Variants in MCF2L2 observed in about 807,000 individuals in gnomAD.
The protein encoded by MCF2L2 is probable guanine nucleotide exchange factor MCF2L2.
In MCF2L2, 102 loss-of-function variants were observed where a neutral mutation model predicts 150.2. The observed-to-expected ratio is 0.68, with a 90% CI of 0.58 to 0.80. MCF2L2 has a LOEUF of 0.80. Among genes scored for constraint, MCF2L2 ranks in the 30% least tolerant of loss-of-function variants. The pLI is 0.00. For synonymous variants in MCF2L2, 465 were observed against 491.3 expected (o/e 0.95, Z 0.71); for missense variants, 1,256 against 1,372.8 (o/e 0.91, Z 1.34).
intron 15 of MCF2L2, among the ~76,000 whole-genome samples, chr3:183,258,661 C>T (rs1022931007): frequency 6.6e-6 from 1 of 152,200 alleles, no homozygotes; most frequent in Non-Finnish European, 1.5e-5. Flanking sequence ...CCCTGATATC[C>T]ATGCATGCTC....
At chr3:183,390,952 G>T (rs1416957742) in intron 1 of MCF2L2, among the ~76,000 whole-genome samples, 1 of 152,194 alleles carries the variant, frequency 6.6e-6, no homozygotes, top group African/African-American at 2.4e-5. Context: ...ACTGGTTATT[G>T]TTTCTACAGG....
chr3:183,326,330 A>T (rs1385616709), intron 5 of MCF2L2, among the ~76,000 whole-genome samples: 1 of 151,892 alleles, frequency 6.6e-6, no homozygotes, highest in Non-Finnish European at 1.5e-5. Context: ...CATCTCTACT[A>T]AAAATACAAA....
chr3:183,251,584 A>C (rs1352498414), intron 15 of MCF2L2, among the ~76,000 whole-genome samples: 2 of 152,188 alleles, frequency 1.3e-5, no homozygotes, highest in African/African-American at 4.8e-5. Flanking sequence ...TGGATAAGGA[A>C]AGCATGCCAA....
chr3:183,185,787 T>C (rs2108629999), intron 27 of MCF2L2, among the ~76,000 whole-genome samples: 1 of 152,326 alleles, frequency 6.6e-6, no homozygotes, highest in East Asian at 1.9e-4. Flanking sequence ...TAGGCTGGTC[T>C]ATAGCTGAAA....
chr3:183,297,646 T>TCCTTCCTTCCTCCCTC (rs1294919945), intron 11 of MCF2L2: 1 of 104,268 alleles, frequency 9.6e-6, no homozygotes, highest in East Asian at 3.0e-4. Context: ...CTTCCTCCCT[T>TCCTTCCTTCCTCCCTC]CCTTCCTTCC....
At chr3:183,331,555 C>T (rs1730273569) in intron 5 of MCF2L2, among the ~76,000 whole-genome samples, 4 of 152,220 alleles carry the variant, frequency 2.6e-5, no homozygotes. Context: ...CTTTTAACTG[C>T]ACAAGAAGCA....
At chr3:183,188,546 C>T (rs546764903) in intron 27 of MCF2L2, among the ~76,000 whole-genome samples, 1 of 152,174 alleles carries the variant, frequency 6.6e-6, no homozygotes, top group African/African-American at 2.4e-5. Flanking sequence ...ACTGCTGCCC[C>T]GCCTCACTCT....
intron 15 of MCF2L2, among the ~76,000 whole-genome samples, chr3:183,248,698 C>T (rs767280620): frequency 3.3e-5 from 5 of 151,868 alleles, no homozygotes; most frequent in Admixed American, 6.6e-5. Context: ...ATTATTTGGG[C>T]GTGATGGGGT....
intron 21 of MCF2L2, among the ~76,000 whole-genome samples, chr3:183,216,595 T>A (rs1722950800): frequency 5.3e-4 from 10 of 18,998 alleles, no homozygotes; most frequent in African/African-American, 1.5e-3. Context: ...TTTTTTTTTT[T>A]TTTTTTTTTT....
intron 27 of MCF2L2, chr3:183,180,384 A>G (rs1197303275): frequency 3.9e-6 from 2 of 507,050 alleles, no homozygotes; most frequent in Non-Finnish European, 7.0e-6. Context: ...GCGCGTCCAC[A>G]TGCTGTTCAT....
intron 6 of MCF2L2, among the ~76,000 whole-genome samples, chr3:183,322,044 T>A (rs1308897130): frequency 6.6e-6 from 1 of 152,378 alleles, no homozygotes; most frequent in East Asian, 1.9e-4. Context: ...ACTAACTCCA[T>A]TTATGATGCC....
At position 183,207,675 on chromosome 3, in the gene MCF2L2, C is replaced by A. The variant is rs138039237; in HGVS notation, c.2645G>T (p.Cys882Phe). ...GTCCCCAGGCTCCATTCGTATCTTA[C>A]AGAACACTATTCCCCTTTCAAATAG... ...IYLFERGIVF[C>F]KIRMEPGDQG... is the part of the protein sequence containing the mutation. Residue 882 changes from cysteine (C) to phenylalanine (F), a missense_variant, in exon 23 of 30, where the codon TGT becomes TTT. Coordinates refer to ENST00000328913, the MANE Select transcript of MCF2L2 (RefSeq NM_015078.4). 8 of 1,614,112 alleles carry A rather than the reference C, an allele frequency of 5.0e-6. No individual in the cohort carries two copies. The African/African-American group carries it at 1.1e-4, about 22-fold the overall frequency.
At chr3:183,313,072 A>T (rs1729451557) in intron 7 of MCF2L2, among the ~76,000 whole-genome samples, 1 of 152,232 alleles carries the variant, frequency 6.6e-6, no homozygotes, top group Non-Finnish European at 1.5e-5. Flanking sequence ...TAAATTAATA[A>T]CAGCCTAAAA....
intron 17 of MCF2L2, among the ~76,000 whole-genome samples, chr3:183,229,188 A>G (rs993542083): frequency 2.6e-5 from 4 of 152,186 alleles, no homozygotes; most frequent in African/African-American, 9.7e-5. Context: ...AAAGTCCCTT[A>G]TTCCTGCAAT....
intron 22 of MCF2L2, among the ~76,000 whole-genome samples, chr3:183,210,144 C>T (rs1445303849): frequency 6.6e-6 from 1 of 152,098 alleles, no homozygotes; most frequent in African/African-American, 2.4e-5. Context: ...GAGCTTGGCG[C>T]CTGCCTGTAG....
In MCF2L2 at chr3:183,422,285, C is replaced by T. The variant is rs897974891; in HGVS notation, c.76+5617G>A. On this transcript the variant is annotated intron_variant, in intron 1 of 29. Coordinates refer to ENST00000328913, the MANE Select transcript of MCF2L2 (RefSeq NM_015078.4). Reference sequence around the variant, plus strand: ...CATTGTATTCAAGAGTGCCTTTAGACTTGAGCTTTCCCACACTCAGTTTTA... The same window carrying T: ...CATTGTATTCAAGAGTGCCTTTAGATTTGAGCTTTCCCACACTCAGTTTTA... Among the ~76,000 whole-genome samples, 56 of 152,322 alleles carry T rather than the reference C, an allele frequency of 3.7e-4. 1 individual carries two copies. The highest frequency in any genetic ancestry group is 6.8e-3 in the Middle Eastern group (2 of 294).
intron 3 of MCF2L2, among the ~76,000 whole-genome samples, chr3:183,353,429 AT>A (rs1441070360): frequency 3.9e-5 from 6 of 152,246 alleles, no homozygotes; most frequent in African/African-American, 1.4e-4. Flanking sequence ...CCGCACTGCT[AT>A]AAAAATATAT....
chr3:183,289,140 C>T lies in MCF2L2; in HGVS notation c.1756G>A (p.Glu586Lys), dbSNP rs1559999340. 6.2e-7 allele frequency: 1 copy of T among 1,613,474 alleles called. No homozygotes were observed. Among genetic ancestry groups the T allele is most frequent in the Non-Finnish European group, 8.5e-7 (1 of 1,179,418 alleles). Residue 586 changes from glutamate to lysine, a missense_variant, in exon 14 of 30, where the codon GAG (glutamate) becomes AAG (lysine). By Grantham distance (56) the Glu-to-Lys change is moderately conservative. Transcript: ENST00000328913. ...ELNSRGKEDD[E>K]TKFEVKSEEI... ...TTTACCTTGACTTCAAATTTAGTCT[C>T]ATCATCTTCCTTTCCCCGGGAGTTC...
rs529628435 is a variant in MCF2L2, at chr3:183,181,827, G to C, written c.3017-1668C>G. Among the ~76,000 whole-genome samples, 3 of 152,126 alleles carry C rather than the reference G, an allele frequency of 2.0e-5. No homozygotes were observed. Among genetic ancestry groups the C allele is most frequent in the Non-Finnish European group, 4.4e-5 (3 of 68,010 alleles). ...GGTTGGGCCTGGCTCAGGAGCCTTC[G>C]TCAGCCATAGGCAGCCACAGCCTGG... is the stretch of plus-strand genomic sequence containing the variant. On this transcript the variant is annotated intron_variant, in intron 27 of 29. Coordinates refer to ENST00000328913, the MANE Select transcript of MCF2L2 (RefSeq NM_015078.4). The surrounding 1 kb of genome is among the most constrained non-coding windows in gnomAD (Gnocchi z 4.3).
Sources: allele counts gnomAD v4.1 joint callset (sites outside exome capture counted in the v4.1 genomes callset), GRCh38; gene constraint gnomAD v4.1.1; non-coding constraint Gnocchi (gnomAD v3.1); transcripts MANE v1.5; gene names NCBI Gene and HGNC (gene_info 2026-07-23, HGNC 2026-07-21).